IPO11: variants seen among roughly 807,000 people sequenced by gnomAD.
IPO11 encodes importin 11, also known as importin-11.
A neutral mutation model predicts 143.2 loss-of-function variants in IPO11; 66 were observed. The observed-to-expected ratio is 0.46, with a 90% CI of 0.38 to 0.57. The LOEUF (loss-of-function observed/expected upper bound fraction) is 0.57. Ranked by LOEUF, IPO11 falls within the 20% of genes least tolerant of loss-of-function variation. IPO11 has a pLI of 0.00. For missense variants in IPO11, 1,026 were observed against 1,141.0 expected (o/e 0.90, Z 1.45); for synonymous variants, 385 against 377.8 (o/e 1.02, Z -0.22).
At position 62,447,277 on chromosome 5, in the gene IPO11, AT is replaced by A. The variant is rs1222698746; in HGVS notation, c.240-2642del. On this transcript the variant is annotated intron_variant, in intron 3 of 29. Transcript: ENST00000325324. ...TGTGCCGCCAGTGGCTAATTTTTAAATTTTTTTTGTAGAGATGGGGTCTTGC... is the reference window on the plus strand; with the variant it reads ...TGTGCCGCCAGTGGCTAATTTTTAAATTTTTTTGTAGAGATGGGGTCTTGC... Among the ~76,000 whole-genome samples, 7 of 151,472 alleles carry A rather than the reference AT, an allele frequency of 4.6e-5. 1 individual carries two copies. The highest frequency in any genetic ancestry group is 4.2e-4 in the South Asian group (2 of 4,794).
intron 20 of IPO11, among the ~76,000 whole-genome samples, chr5:62,517,873 T>C (rs186903864): frequency 1.7e-4 from 26 of 152,318 alleles, no homozygotes; most frequent in African/African-American, 6.0e-4. Flanking sequence ...AAGTACCCTG[T>C]GTATTTGTAC....
intron 16 of IPO11, among the ~76,000 whole-genome samples, chr5:62,503,367 ATC>A (rs1741416855): frequency 5.6e-5 from 8 of 141,892 alleles, no homozygotes; most frequent in African/African-American, 2.0e-4. Context: ...TATTAATAGT[ATC>A]TACTAATATA....
chr5:62,543,813 G>T (rs962256061), intron 24 of IPO11, among the ~76,000 whole-genome samples: 10 of 151,964 alleles, frequency 6.6e-5, no homozygotes, highest in Non-Finnish European at 1.5e-4. Flanking sequence ...GCTTTCTCCT[G>T]TGGGCATTTA....
At position 62,513,404 on chromosome 5, in the gene IPO11, G is replaced by T. The variant is rs1422818489; in HGVS notation, c.1783-1984G>T. ...TCCCGGACGGGGCGGCTGGCCGGGA[G>T]GGGGCGCTGACCCCCCCCCCACCTC... On this transcript the variant is annotated intron_variant, in intron 19 of 29. Transcript: ENST00000325324. Among the ~76,000 whole-genome samples, 8 of 124,478 alleles carry T rather than the reference G, an allele frequency of 6.4e-5. 1 individual carries two copies. The highest frequency in any genetic ancestry group is 1.4e-4 in the Non-Finnish European group (8 of 55,964). 81.7% of individuals were successfully genotyped at this position (124,478 alleles called of 152,430 possible). A position where few individuals can be genotyped will look rare whatever the true frequency, so the allele number is the denominator to read the frequency against.
At chr5:62,523,140 C>G (rs971747890) in intron 20 of IPO11, among the ~76,000 whole-genome samples, 3 of 152,204 alleles carry the variant, frequency 2.0e-5, no homozygotes, top group Non-Finnish European at 4.4e-5. Flanking sequence ...TGTCTTTCTT[C>G]CCAGCTTCCA....
intron 29 of IPO11, among the ~76,000 whole-genome samples, chr5:62,608,392 C>CT (rs1356245498): frequency 6.6e-6 from 1 of 152,174 alleles, no homozygotes; most frequent in Non-Finnish European, 1.5e-5. Flanking sequence ...TTTCTAAAAG[C>CT]TTCACATGTT....
intron 24 of IPO11, among the ~76,000 whole-genome samples, chr5:62,540,260 T>C (rs1048829885): frequency 1.3e-5 from 2 of 152,186 alleles, no homozygotes; most frequent in African/African-American, 4.8e-5. Flanking sequence ...CTCCTGAGTA[T>C]ACTTTGGTCT....
At chr5:62,580,590 T>C (rs1561371931) in intron 27 of IPO11, 4 of 1,551,452 alleles carry the variant, frequency 2.6e-6, no homozygotes, top group Non-Finnish European at 3.5e-6. Flanking sequence ...TAAACATCTA[T>C]TGTCAGAATC....
intron 29 of IPO11, among the ~76,000 whole-genome samples, chr5:62,616,455 C>T (rs1746136927): frequency 6.6e-6 from 1 of 151,944 alleles, no homozygotes; most frequent in Non-Finnish European, 1.5e-5. Flanking sequence ...ATGAGATGGC[C>T]AGGTATGGTG....
At chr5:62,432,298 C>G (rs1236683967) in intron 1 of IPO11, among the ~76,000 whole-genome samples, 1 of 152,160 alleles carries the variant, frequency 6.6e-6, no homozygotes, top group Non-Finnish European at 1.5e-5. Context: ...GCTTCTGCCG[C>G]AGGAGTGGTG....
At chr5:62,523,753 C>T (rs1428264453) in intron 20 of IPO11, among the ~76,000 whole-genome samples, 1 of 152,094 alleles carries the variant, frequency 6.6e-6, no homozygotes, top group Non-Finnish European at 1.5e-5. Flanking sequence ...TTGAGATAAC[C>T]TTCTGGCTGA....
intron 19 of IPO11, among the ~76,000 whole-genome samples, chr5:62,507,370 A>C (rs929442773): frequency 1.3e-5 from 2 of 152,210 alleles, no homozygotes; most frequent in Admixed American, 1.3e-4. Flanking sequence ...TTAATACATT[A>C]ATCACATTAA....
intron 20 of IPO11, among the ~76,000 whole-genome samples, chr5:62,523,408 T>C (rs565814211): frequency 6.6e-6 from 1 of 152,266 alleles, no homozygotes; most frequent in African/African-American, 2.4e-5. Flanking sequence ...AGCGAACATC[T>C]CTTGAAGGTC....
At chr5:62,560,944 G>A (rs1580325943) in intron 26 of IPO11, 192 bp from the exon 27 acceptor site, 1 of 419,918 alleles carries the variant, frequency 2.4e-6, no homozygotes, top group East Asian at 3.9e-5. Flanking sequence ...GGATTAATTA[G>A]AGTCAGTTTC....
chr5:62,453,906 G>A (rs1157985026), intron 5 of IPO11, among the ~76,000 whole-genome samples: 10 of 152,022 alleles, frequency 6.6e-5, no homozygotes, highest in Admixed American at 6.6e-4. Flanking sequence ...AGGCTGAGGC[G>A]AGTGGATCAT....
At chr5:62,596,107 A>T (rs1745203884) in intron 28 of IPO11, among the ~76,000 whole-genome samples, 1 of 151,352 alleles carries the variant, frequency 6.6e-6, no homozygotes, top group Non-Finnish European at 1.5e-5. Context: ...AAAAAAAAAA[A>T]AAAAATTGAA....
At chr5:62,619,047 A>G (rs1184207041) in intron 29 of IPO11, among the ~76,000 whole-genome samples, 2 of 152,126 alleles carry the variant, frequency 1.3e-5, no homozygotes, top group African/African-American at 2.4e-5. Flanking sequence ...CCTGGCCAAC[A>G]TGGTGAAACC....
chr5:62,508,756 C>T (rs1486428831), intron 19 of IPO11, among the ~76,000 whole-genome samples: 1 of 152,078 alleles, frequency 6.6e-6, no homozygotes, highest in African/African-American at 2.4e-5. Flanking sequence ...CCCAGCCCCG[C>T]ACCACTCGCC....
intron 20 of IPO11, among the ~76,000 whole-genome samples, chr5:62,524,021 A>G (rs1443469193): frequency 1.3e-5 from 2 of 152,156 alleles, no homozygotes; most frequent in African/African-American, 4.8e-5. Context: ...TTATGTAATT[A>G]TAGTAGAATA....
Sources: allele counts gnomAD v4.1 joint callset (sites outside exome capture counted in the v4.1 genomes callset), GRCh38; gene constraint gnomAD v4.1.1; transcripts MANE v1.5; gene names NCBI Gene and HGNC (gene_info 2026-07-23, HGNC 2026-07-21).